ZCCHC14: variants seen among roughly 807,000 people sequenced by gnomAD.
ZCCHC14 encodes zinc finger CCHC domain-containing protein 14.
Under a neutral mutation model 85.0 loss-of-function variants are expected in ZCCHC14, and 16 were observed. That is an observed-to-expected ratio of 0.19 (90% CI 0.13 to 0.29). The LOEUF is 0.29. Ranked by LOEUF, ZCCHC14 falls within the 10% of genes least tolerant of loss-of-function variation. The pLI, the probability that ZCCHC14 is intolerant of heterozygous loss-of-function variation, is 1.00. For missense variants in ZCCHC14, 1,303 were observed against 1,443.5 expected (o/e 0.90, Z 1.58); for synonymous variants, 775 against 630.7 (o/e 1.23, Z -3.43).
Position 87,420,763 on chromosome 16 carries a change from C to T in ZCCHC14, c.841-47G>A. 2 of 1,507,138 alleles carry T rather than the reference C, an allele frequency of 1.3e-6. No individual in the cohort carries two copies. Among genetic ancestry groups the T allele is most frequent in the Non-Finnish European group, 1.8e-6 (2 of 1,109,650 alleles). 93.4% of individuals were successfully genotyped at this position (1,507,138 alleles called of 1,614,324 possible). On this transcript the variant is annotated intron_variant, in intron 4 of 12. Transcript: ENST00000671377. The surrounding 1 kb of genome is among the most constrained non-coding windows in gnomAD (Gnocchi z 5.0). ...AGGAGGTGTGTCCAGACCCATCCAA[C>T]ACCAGCAGAATTCTGCTACTGCAGG...
At chr16:87,454,115 AG>A (rs1303227849) in intron 2 of ZCCHC14, among the ~76,000 whole-genome samples, 1 of 152,142 alleles carries the variant, frequency 6.6e-6, no homozygotes, top group Non-Finnish European at 1.5e-5. Context: ...CATCTGAGGG[AG>A]AGAGAGAGAA....
chr16:87,418,260 G>C (rs1908899143), intron 7 of ZCCHC14, among the ~76,000 whole-genome samples: 1 of 152,180 alleles, frequency 6.6e-6, no homozygotes, highest in Non-Finnish European at 1.5e-5. Flanking sequence ...AACGCAGAAG[G>C]CTGGAAGGTG....
At chr16:87,455,356 C>T (rs995322426) in intron 2 of ZCCHC14, among the ~76,000 whole-genome samples, 3 of 151,928 alleles carry the variant, frequency 2.0e-5, no homozygotes, top group Admixed American at 1.3e-4. Context: ...CATGAGCTGG[C>T]CTCGGCACCC....
In ZCCHC14 at chr16:87,419,795, G is replaced by A. The variant is rs759626763; in HGVS notation, c.1033C>T (p.Leu345Phe). ...TTTACAAACTCACTTGGACTCTGAAGCTGCTGTGGGGGAGAGGAAGTGCTG... is the reference window on the plus strand; with the variant it reads ...TTTACAAACTCACTTGGACTCTGAAACTGCTGTGGGGGAGAGGAAGTGCTG... Reference protein sequence around the residue: ...FLSTSSPPQQLQSPSPGNPSL... With the variant: ...FLSTSSPPQQFQSPSPGNPSL... The change falls in exon 6 of 13, where the codon CTT (leucine) becomes TTT (phenylalanine). Residue 345 changes from leucine (L) to phenylalanine (F), a missense_variant. Physicochemically the swap from Leu to Phe is conservative, Grantham distance 22 (BLOSUM62 0). Transcript: ENST00000671377. 6.2e-6 allele frequency: 10 copies of A among 1,604,184 alleles called. No individual in the cohort carries two copies. In the South Asian group the frequency reaches 7.9e-5, roughly 13 times the overall value.
In ZCCHC14 at chr16:87,414,442, C is replaced by T. The variant is rs138801657; in HGVS notation, c.1575G>A (p.Val525=). 1.4e-4 allele frequency: 223 copies of T among 1,613,496 alleles called. No individual in the cohort carries two copies. The highest frequency in any genetic ancestry group is 1.8e-4 in the Non-Finnish European group (217 of 1,179,956). ...CTGCATGGCTGCCCCGCCCCGACTGCACGGGCCCGACGTGGCTGGTGGGGG... is the reference window on the plus strand; with the variant it reads ...CTGCATGGCTGCCCCGCCCCGACTGTACGGGCCCGACGTGGCTGGTGGGGG... The part of the protein sequence containing the change: ...RVPPTSHVGP[V]QSGRGSHAAE... The change falls in exon 10 of 13, where the codon GTG becomes GTA. Residue 525 remains valine (V), a synonymous_variant. Coordinates refer to ENST00000671377, the MANE Select transcript of ZCCHC14 (RefSeq NM_015144.3).
rs903379976 is a variant in ZCCHC14, at chr16:87,478,848, G to A, written c.570+12821C>T. On this transcript the variant is annotated intron_variant, in intron 1 of 12. Coordinates refer to ENST00000671377, the MANE Select transcript of ZCCHC14 (RefSeq NM_015144.3). ...ACTCAAATTCCTGACCTTGTGATCCGCCCGCCTCGGCCTCCCAAAGTGCTA... is the reference window on the plus strand; with the variant it reads ...ACTCAAATTCCTGACCTTGTGATCCACCCGCCTCGGCCTCCCAAAGTGCTA... Among the ~76,000 whole-genome samples, 4 of 151,818 alleles carry A rather than the reference G, an allele frequency of 2.6e-5. No homozygotes were observed. The South Asian group carries it at 8.3e-4, about 32-fold the overall frequency.
rs2150719172 is a variant in ZCCHC14 at position 87,411,544 on chromosome 16, T to A, written c.3177A>T (p.Lys1059Asn). ...GATGHRAQDCKQPSMDFNRPG... is the reference protein window; with the variant it reads ...GATGHRAQDCNQPSMDFNRPG... ...GCCGGTTGAAGTCCATGGACGGCTG[T>A]TTGCAGTCCTGGGCGCGGTGACCAG... The change falls in exon 12 of 13, where the codon AAA (lysine) becomes AAT (asparagine). Residue 1059 changes from lysine (K) to asparagine (N), a missense_variant. By Grantham distance (94) the Lys-to-Asn change is moderately conservative. Coordinates refer to ENST00000671377, the MANE Select transcript of ZCCHC14 (RefSeq NM_015144.3). The A allele has an allele frequency of 6.2e-7, 1 of 1,613,674 alleles. No homozygotes were observed. Among genetic ancestry groups the A allele is most frequent in the Admixed American group, 1.7e-5 (1 of 60,034 alleles).
chr16:87,444,859 G>A (rs1910357479), intron 2 of ZCCHC14, among the ~76,000 whole-genome samples: 1 of 152,178 alleles, frequency 6.6e-6, no homozygotes, highest in Non-Finnish European at 1.5e-5. Context: ...TGGCCGGAAT[G>A]GGAGTAAGCC....
intron 1 of ZCCHC14, among the ~76,000 whole-genome samples, chr16:87,488,991 C>T (rs1912634301): frequency 6.6e-6 from 1 of 152,174 alleles, no homozygotes; most frequent in Non-Finnish European, 1.5e-5. Flanking sequence ...AATACAACAG[C>T]TTACAAAAGA....
intron 3 of ZCCHC14, among the ~76,000 whole-genome samples, chr16:87,425,754 T>A (rs955591909): frequency 2.0e-5 from 3 of 152,176 alleles, no homozygotes; most frequent in Non-Finnish European, 4.4e-5. Flanking sequence ...GCCGTGAAGA[T>A]GGCTGTCCCC....
chr16:87,492,304 G>A lies in ZCCHC14; in HGVS notation c.-66C>T, dbSNP rs935797805. ...GCGCGGGGGCGGCCGGGGGGCGCCG[G>A]GGGCCGCGGCCGGGGCGCGCCGGGA... On this transcript the variant is annotated 5_prime_UTR_variant, in exon 1 of 13. Transcript: ENST00000671377. The surrounding 1 kb of genome is among the most constrained non-coding windows in gnomAD (Gnocchi z 6.7). 1.2e-5 allele frequency: 11 copies of A among 894,448 alleles called. No individual in the cohort carries two copies. Among genetic ancestry groups the A allele is most frequent in the Non-Finnish European group, 1.3e-5 (10 of 750,960 alleles). 55.4% of individuals were successfully genotyped at this position (894,448 alleles called of 1,614,324 possible). A position where few individuals can be genotyped will look rare whatever the true frequency, so the allele number is the denominator to read the frequency against.
intron 2 of ZCCHC14, among the ~76,000 whole-genome samples, chr16:87,454,025 G>A (rs760473248): frequency 2.6e-5 from 4 of 152,134 alleles, no homozygotes; most frequent in African/African-American, 4.8e-5. Context: ...GTATGAAAAC[G>A]TCCATTAGCT....
chr16:87,474,402 G>A (rs1296431778), intron 1 of ZCCHC14: 2 of 152,218 alleles, frequency 1.3e-5, no homozygotes, highest in Non-Finnish European at 2.9e-5. Flanking sequence ...CCCTTCCTCA[G>A]GGAGAGTGAA....
chr16:87,454,026 T>C (rs1910834277), intron 2 of ZCCHC14, among the ~76,000 whole-genome samples: 1 of 152,092 alleles, frequency 6.6e-6, no homozygotes, highest in Admixed American at 6.6e-5. Context: ...TATGAAAACG[T>C]CCATTAGCTT....
At position 87,491,159 on chromosome 16, in the gene ZCCHC14, G is replaced by A. The variant is rs1451343603; in HGVS notation, c.570+510C>T. Among the ~76,000 whole-genome samples, 4 of 152,384 alleles carry A rather than the reference G, an allele frequency of 2.6e-5. No homozygotes were observed. The highest frequency in any genetic ancestry group is 2.1e-4 in the South Asian group (1 of 4,832). On this transcript the variant is annotated intron_variant, in intron 1 of 12. Transcript: ENST00000671377. This position sits in a 1 kb window ranked among gnomAD's most constrained non-coding sequence, Gnocchi z 5.9. ...CGCGTTTGCAGCCGGCTAAGTGAAA[G>A]GAGGGCACCTGGGACTGTGAGCTCT...
At chr16:87,456,703 A>G (rs528791871) in intron 2 of ZCCHC14, among the ~76,000 whole-genome samples, 1 of 152,220 alleles carries the variant, frequency 6.6e-6, no homozygotes, top group Admixed American at 6.5e-5. Flanking sequence ...GGGGCACACA[A>G]TGGAAAACAT....
intron 1 of ZCCHC14, among the ~76,000 whole-genome samples, chr16:87,487,204 G>A (rs1209731369): frequency 6.6e-6 from 1 of 152,150 alleles, no homozygotes; most frequent in East Asian, 1.9e-4. Context: ...AAGCCACAGA[G>A]AGTTCCAGAA....
chr16:87,463,976 C>T (rs114639239), intron 1 of ZCCHC14, among the ~76,000 whole-genome samples: 290 of 152,336 alleles, frequency 1.9e-3, no homozygotes, highest in African/African-American at 6.5e-3. Flanking sequence ...CACACCAGCA[C>T]GCACAGCTGA....
At chr16:87,455,379 C>T (rs1403639406) in intron 2 of ZCCHC14, among the ~76,000 whole-genome samples, 1 of 152,052 alleles carries the variant, frequency 6.6e-6, no homozygotes, top group Admixed American at 6.6e-5. Context: ...ATGAACAACA[C>T]AGTGACAAGA....
Sources: gnomAD v4.1 joint callset for allele counts (sites outside exome capture counted in the v4.1 genomes callset) on GRCh38, gnomAD v4.1.1 for gene constraint, Gnocchi (gnomAD v3.1) non-coding constraint, MANE v1.5 for transcripts, NCBI Gene and HGNC (gene_info 2026-07-23, HGNC 2026-07-21) for gene names.